STK3: variants seen among roughly 807,000 people sequenced by gnomAD.
STK3 encodes the protein serine/threonine kinase 3.
A neutral mutation model predicts 58.0 loss-of-function variants in STK3; 41 were observed. The ratio of observed to expected loss-of-function variants is 0.71; its 90% confidence interval spans 0.55 to 0.92. STK3 has a LOEUF of 0.92. Among genes scored for constraint, STK3 ranks in the 40% least tolerant of loss-of-function variants. STK3 has a pLI of 0.00. For missense variants in STK3, 479 were observed against 602.7 expected, an observed-to-expected ratio of 0.79 and a Z score of 2.15; for synonymous variants, 170 against 191.0, an observed-to-expected ratio of 0.89 and a Z score of 0.91.
chr8:98,640,910 GTATAA>G, intron 6 of STK3, among the ~76,000 whole-genome samples: 1 of 150,726 alleles, frequency 6.6e-6, no homozygotes, highest in East Asian at 1.9e-4. Context: ...ATATTTAAGA[GTATAA>G]TATGTTTATA....
rs140154104 is a variant in STK3, at chr8:98,606,620, C to T, written c.685-10451G>A. 7.8e-3 allele frequency among the ~76,000 whole-genome samples: 1,189 copies of T among 152,224 alleles called. 11 individuals carry two copies. The highest frequency in any genetic ancestry group is 0.011 in the Non-Finnish European group (781 of 68,016). On this transcript the variant is annotated intron_variant, in intron 6 of 10. Coordinates refer to ENST00000419617, the MANE Select transcript of STK3 (RefSeq NM_006281.4). ...CTAAAGACTGAGCTCAAACAAATGGCCAAAGGTTTAATCAATCATTACTAC... is the reference window on the plus strand; with the variant it reads ...CTAAAGACTGAGCTCAAACAAATGGTCAAAGGTTTAATCAATCATTACTAC...
chr8:98,676,764 A>G (rs1251195620), intron 6 of STK3, among the ~76,000 whole-genome samples: 3 of 152,242 alleles, frequency 2.0e-5, no homozygotes, highest in African/African-American at 7.2e-5. Context: ...TGTACACTTA[A>G]AAATGTTAAA....
At chr8:98,358,530 C>A in the STK3 span, among the ~76,000 whole-genome samples, 3 of 152,092 alleles carry the variant, frequency 2.0e-5, no homozygotes, top group African/African-American at 7.2e-5. Flanking sequence ...TTTGAGGAAT[C>A]TATTTCCAGG....
chr8:98,855,051 T>C (rs894201518), intron 3 of STK3, among the ~76,000 whole-genome samples: 3 of 151,936 alleles, frequency 2.0e-5, no homozygotes. Context: ...AGTGAGACGC[T>C]GTCTCAAAAC....
At chr8:98,429,636 A>G in intron 3 of STK3, 1 of 523,544 alleles carries the variant, frequency 1.9e-6, no homozygotes, top group Middle Eastern at 5.0e-4. Flanking sequence ...AATGACACTC[A>G]CTGGTCTTTG....
chr8:98,793,980 A>T (rs980704029), intron 1 of STK3, among the ~76,000 whole-genome samples: 1 of 152,198 alleles, frequency 6.6e-6, no homozygotes, highest in Non-Finnish European at 1.5e-5. Flanking sequence ...GCAGAAATCA[A>T]AAAGTTCTTT....
intron 1 of STK3, among the ~76,000 whole-genome samples, chr8:98,898,303 C>T (rs1398889260): frequency 1.3e-5 from 2 of 152,204 alleles, no homozygotes; most frequent in African/African-American, 2.4e-5. Flanking sequence ...CAGACTCTGT[C>T]GGTCGGGTAG....
intron 4 of STK3, among the ~76,000 whole-genome samples, chr8:98,745,690 C>A (rs1277822086): frequency 6.6e-6 from 1 of 151,946 alleles, no homozygotes; most frequent in African/African-American, 2.4e-5. Context: ...GACTGACTTA[C>A]AAGATGAGAA....
chr8:98,367,098 C>T (rs1399751277), downstream of STK3, among the ~76,000 whole-genome samples: 1 of 152,220 alleles, frequency 6.6e-6, no homozygotes, highest in Non-Finnish European at 1.5e-5. Flanking sequence ...TCTACCTCTA[C>T]AATCTGTCCA....
the STK3 span, among the ~76,000 whole-genome samples, chr8:98,364,439 G>T: frequency 6.6e-6 from 1 of 152,090 alleles, no homozygotes; most frequent in Admixed American, 6.5e-5. Flanking sequence ...GTCTCGGGAG[G>T]CCTGCCAGTC....
At chr8:98,722,156 A>G (rs4131873) in intron 4 of STK3, among the ~76,000 whole-genome samples, 43,818 of 152,100 alleles carry the variant, frequency 0.29, 6,989 homozygotes, top group East Asian at 0.42. Flanking sequence ...TAACTCAAAT[A>G]ATGAACTAAA....
At chr8:98,368,221 T>C (rs1817581979), downstream of STK3, among the ~76,000 whole-genome samples, 1 of 152,220 alleles carries the variant, frequency 6.6e-6, no homozygotes, top group African/African-American at 2.4e-5. Context: ...AGCTATAGCC[T>C]ATCTTCCTTT....
intron 4 of STK3, among the ~76,000 whole-genome samples, chr8:98,741,439 A>T (rs1048585574): frequency 2.0e-4 from 31 of 152,308 alleles, no homozygotes; most frequent in African/African-American, 5.3e-4. Context: ...GGATTAAGAC[A>T]CTCACTCAAA....
chr8:98,565,590 A>G (rs1031520487), intron 8 of STK3, among the ~76,000 whole-genome samples: 8 of 152,152 alleles, frequency 5.3e-5, no homozygotes, highest in African/African-American at 1.4e-4. Context: ...AAATAGCATC[A>G]TTTATTCAAT....
At chr8:98,787,496 C>T (rs978527325) in intron 1 of STK3, among the ~76,000 whole-genome samples, 1 of 152,010 alleles carries the variant, frequency 6.6e-6, no homozygotes, top group African/African-American at 2.4e-5. Context: ...ATCTAAAAGT[C>T]TGGAAAATAT....
intron 10 of STK3, among the ~76,000 whole-genome samples, chr8:98,507,383 C>T (rs1456825236): frequency 6.6e-6 from 1 of 152,170 alleles, no homozygotes; most frequent in Admixed American, 6.5e-5. Flanking sequence ...CTTTCATTCT[C>T]ATATTCAGTC....
At chr8:98,687,789 G>A (rs1036929751) in intron 6 of STK3, among the ~76,000 whole-genome samples, 1 of 152,044 alleles carries the variant, frequency 6.6e-6, no homozygotes, top group African/African-American at 2.4e-5. Flanking sequence ...GTCTAAACAT[G>A]GAAACAAAAG....
chr8:98,921,023 A>G (rs193169168), intron 1 of STK3, among the ~76,000 whole-genome samples: 36 of 152,280 alleles, frequency 2.4e-4, no homozygotes, highest in Admixed American at 5.9e-4. Flanking sequence ...CCCTATATCT[A>G]TTTAGTTGAT....
intron 6 of STK3, among the ~76,000 whole-genome samples, chr8:98,656,538 G>A (rs1032000986): frequency 8.6e-5 from 13 of 151,858 alleles, no homozygotes; most frequent in Non-Finnish European, 1.0e-4. Flanking sequence ...CTCAAGAAAG[G>A]CTGTTGAATT....
Sources: gnomAD v4.1 joint callset for allele counts (sites outside exome capture counted in the v4.1 genomes callset) on GRCh38, gnomAD v4.1.1 for gene constraint, MANE v1.5 for transcripts, NCBI Gene and HGNC (gene_info 2026-07-23, HGNC 2026-07-21) for gene names.